INTS8: variants seen among roughly 807,000 people sequenced by gnomAD.
The protein encoded by INTS8 is integrator complex subunit 8.
INTS8 carries 47 observed loss-of-function variants against 138.9 expected under a neutral mutation model. The observed-to-expected ratio is 0.34, with a 90% CI of 0.27 to 0.43. INTS8 has a LOEUF of 0.43. INTS8 is among the 20% of genes least tolerant of loss of function. The pLI, the probability that INTS8 is intolerant of heterozygous loss-of-function variation, is 1.00. For synonymous variants in INTS8, 392 were observed against 400.9 expected, an observed-to-expected ratio of 0.98 and a Z score of 0.27; for missense variants, 996 against 1,173.0, an observed-to-expected ratio of 0.85 and a Z score of 2.20.
chr8:94,863,928 GT>G (rs930159896), intron 16 of INTS8, among the ~76,000 whole-genome samples: 4 of 152,104 alleles, frequency 2.6e-5, no homozygotes, highest in African/African-American at 9.7e-5. Flanking sequence ...TATAGGCAGG[GT>G]TTTTATGTTA....
At chr8:94,870,521 C>T (rs959679477) in intron 20 of INTS8, among the ~76,000 whole-genome samples, 1 of 152,096 alleles carries the variant, frequency 6.6e-6, no homozygotes, top group African/African-American at 2.4e-5. Context: ...TTTATTGATT[C>T]CAAGAATAGT....
At chr8:94,874,752 T>C (rs528805108) in intron 23 of INTS8, 150 bp downstream of exon 23, 1 of 511,930 alleles carries the variant, frequency 2.0e-6, no homozygotes, top group Non-Finnish European at 3.4e-6. Context: ...TAAATTTTTT[T>C]AAATAGTTTA....
rs376008727 is a variant in INTS8 at position 94,881,650 on chromosome 8, T to C, written c.*1416T>C. On this transcript the variant is annotated 3_prime_UTR_variant, in exon 27 of 27. Coordinates refer to ENST00000523731, the MANE Select transcript of INTS8 (RefSeq NM_017864.4). ...ATCTTCTTTAGTGTTTTCCTGGTGG[T>C]TTTTCAGTGCTCTTCGGTGGTGTCA... 243 of 1,612,926 alleles carry C rather than the reference T, an allele frequency of 1.5e-4. No homozygotes were observed. The highest frequency in any genetic ancestry group is 1.9e-4 in the Non-Finnish European group (221 of 1,179,720).
Position 94,838,683 on chromosome 8 carries a change from G to A in INTS8, c.1017+65G>A, listed in dbSNP as rs566847629. Reference sequence around the variant, plus strand: ...CAGACAAAACTAAGTTCAAATCCTCGCACCATCCATTTACCAGTTACGCGT... The same window carrying A: ...CAGACAAAACTAAGTTCAAATCCTCACACCATCCATTTACCAGTTACGCGT... On this transcript the variant is annotated intron_variant, in intron 8 of 26. Coordinates refer to ENST00000523731, the MANE Select transcript of INTS8 (RefSeq NM_017864.4). 2.0e-5 allele frequency: 27 copies of A among 1,342,588 alleles called. No homozygotes were observed. In the South Asian group the frequency reaches 2.9e-4, roughly 14 times the overall value. The allele number at this position is 1,342,588 out of a possible 1,614,324, so 83.2% of individuals were successfully genotyped here. A position where few individuals can be genotyped will look rare whatever the true frequency, so the allele number is the denominator to read the frequency against.
chr8:94,864,205 C>CA (rs930193493), intron 16 of INTS8, among the ~76,000 whole-genome samples: 6 of 151,448 alleles, frequency 4.0e-5, no homozygotes, highest in South Asian at 4.2e-4. Flanking sequence ...TTTTTCATAA[C>CA]AAAAAAATGT....
chr8:94,855,243 TA>T (rs1815702150), intron 14 of INTS8, among the ~76,000 whole-genome samples: 1 of 152,212 alleles, frequency 6.6e-6, no homozygotes, highest in South Asian at 2.1e-4. Context: ...TGTAATTTCA[TA>T]AAAAAGTTTA....
Position 94,842,444 on chromosome 8 carries a change from CTA to C in INTS8, c.1218_1219del (p.Phe407SerfsTer2). ...GRTISVQFNQ[L>X]FLRPNKEKID... ...AACAATTAGTGTTCAATTTAACCAG[CTA>C]TTTCTTAGACCAAATAAAGAGAAAA... On this transcript the variant is annotated frameshift_variant, in exon 10 of 27. Coordinates refer to ENST00000523731, the MANE Select transcript of INTS8 (RefSeq NM_017864.4). LOFTEE classifies it high-confidence loss of function. 6.2e-7 allele frequency: 1 copy of C among 1,605,000 alleles called. No individual in the cohort carries two copies. The highest frequency in any genetic ancestry group is 8.5e-7 in the Non-Finnish European group (1 of 1,172,382).
rs201252065 is a variant in INTS8 at position 94,832,133 on chromosome 8, A to C, written c.712A>C (p.Thr238Pro). The C allele has an allele frequency of 6.2e-6, 10 of 1,613,332 alleles. No individual in the cohort carries two copies. The highest frequency in any genetic ancestry group is 8.5e-6 in the Non-Finnish European group (10 of 1,179,786). Residue 238 changes from threonine (T) to proline (P), a missense_variant, in exon 6 of 27, where the codon ACT becomes CCT. Physicochemically the swap from Thr to Pro is conservative, Grantham distance 38 (BLOSUM62 -1). Coordinates refer to ENST00000523731, the MANE Select transcript of INTS8 (RefSeq NM_017864.4). ...GGTAAATGGAGAAACTGAGAGTTCT[A>C]CTGCTGGATTGAAAGTCAAAACCGA... ...GMVNGETESS[T>P]AGLKVKTEEM...
chr8:94,870,626 T>C (rs550338664), intron 20 of INTS8, among the ~76,000 whole-genome samples: 2 of 152,342 alleles, frequency 1.3e-5, no homozygotes, highest in Non-Finnish European at 2.9e-5. Flanking sequence ...GTCTGTAAAA[T>C]TGTAAGCCAA....
intron 1 of INTS8, among the ~76,000 whole-genome samples, chr8:94,824,438 T>C (rs1256112161): frequency 1.3e-5 from 2 of 152,216 alleles, no homozygotes; most frequent in African/African-American, 4.8e-5. Flanking sequence ...CCTCCTTTAA[T>C]TTAATCTTCA....
chr8:94,831,978 A>C lies in INTS8; in HGVS notation c.571-14A>C, dbSNP rs760213962. Reference sequence around the variant, plus strand: ...GCTATTTTTGTATTTTTATTTGTTTATTGATTTCTGTAGCTCAAAGAACAA... The same window carrying C: ...GCTATTTTTGTATTTTTATTTGTTTCTTGATTTCTGTAGCTCAAAGAACAA... On this transcript the variant is annotated splice_polypyrimidine_tract_variant and intron_variant, in intron 5 of 26. Transcript: ENST00000523731. The C allele has an allele frequency of 1.3e-6, 2 of 1,565,792 alleles. No individual in the cohort carries two copies. The highest frequency in any genetic ancestry group is 2.4e-5 in the South Asian group (2 of 83,482).
chr8:94,834,535 C>A, intron 6 of INTS8, among the ~76,000 whole-genome samples: 1 of 152,004 alleles, frequency 6.6e-6, no homozygotes, highest in East Asian at 1.9e-4. Flanking sequence ...TGGCAAAATC[C>A]TGTTTCTACG....
chr8:94,833,852 A>T (rs1586473021), intron 6 of INTS8, among the ~76,000 whole-genome samples: 1 of 151,752 alleles, frequency 6.6e-6, no homozygotes, highest in African/African-American at 2.4e-5. Flanking sequence ...GCTCACCACA[A>T]CCTCCGCCTC....
chr8:94,862,867 G>A (rs77868747), intron 16 of INTS8, among the ~76,000 whole-genome samples: 5,139 of 151,870 alleles, frequency 0.034, 89 homozygotes, highest in Non-Finnish European at 0.04. Context: ...ACACACACAC[G>A]CACACACGTG....
chr8:94,839,665 T>C (rs1157751185), intron 8 of INTS8, among the ~76,000 whole-genome samples: 1 of 152,232 alleles, frequency 6.6e-6, no homozygotes, highest in African/African-American at 2.4e-5. Context: ...TAATAAAGAC[T>C]AGAGCTCTCT....
intron 17 of INTS8, 114 bp downstream of exon 17, chr8:94,865,804 C>A: frequency 1.0e-6 from 1 of 998,784 alleles, no homozygotes; most frequent in Non-Finnish European, 1.5e-6. Context: ...TTCTGTATAT[C>A]ATAAAGTTGG....
intron 10 of INTS8, among the ~76,000 whole-genome samples, chr8:94,847,126 C>G (rs1202871097): frequency 1.3e-5 from 2 of 151,998 alleles, no homozygotes; most frequent in Admixed American, 1.3e-4. Context: ...CTACAACTTC[C>G]CTCTCCAGCT....
chr8:94,843,027 T>C (rs1229007514), intron 10 of INTS8, among the ~76,000 whole-genome samples: 1 of 152,238 alleles, frequency 6.6e-6, no homozygotes, highest in Non-Finnish European at 1.5e-5. Flanking sequence ...TGTTGTGGTC[T>C]TTACAACCTC....
chr8:94,867,116 G>T (rs1816206027), intron 18 of INTS8, 24 bp from the exon 19 acceptor site: 1 of 1,556,974 alleles, frequency 6.4e-7, no homozygotes, highest in Non-Finnish European at 8.8e-7. Context: ...ACTGTTTAAG[G>T]ATTCTGTGTT....
Sources: allele counts gnomAD v4.1 joint callset (sites outside exome capture counted in the v4.1 genomes callset), GRCh38; gene constraint gnomAD v4.1.1; transcripts MANE v1.5; gene names NCBI Gene and HGNC (gene_info 2026-07-23, HGNC 2026-07-21).